The following BBS9 variants were observed in gnomAD, a reference collection of about 807,000 sequenced individuals.
BBS9 encodes the protein protein PTHB1.
A neutral mutation model predicts 117.7 loss-of-function variants in BBS9; 89 were observed. The ratio of observed to expected loss-of-function variants is 0.76; its 90% confidence interval spans 0.64 to 0.90. The LOEUF is 0.90. Ranked by LOEUF, BBS9 falls within the 40% of genes least tolerant of loss-of-function variation. The pLI, the probability that BBS9 is intolerant of heterozygous loss-of-function variation, is 0.00. For missense variants in BBS9, 982 were observed against 1,042.2 expected (o/e 0.94, Z 0.80); for synonymous variants, 379 against 370.9 (o/e 1.02, Z -0.25).
chr7:33,138,844 C>A (rs755694018), intron 1 of BBS9, among the ~76,000 whole-genome samples: 2 of 151,040 alleles, frequency 1.3e-5, no homozygotes, highest in Admixed American at 1.3e-4. Context: ...CTGCCTTGGC[C>A]TCTCAAAGTG....
chr7:33,377,803 T>G (rs527496424), intron 17 of BBS9, among the ~76,000 whole-genome samples: 2 of 152,256 alleles, frequency 1.3e-5, no homozygotes, highest in Non-Finnish European at 2.9e-5. Context: ...TGGGATTGTG[T>G]TCCTGATTCG....
chr7:33,377,166 T>A (rs991891686), intron 17 of BBS9, among the ~76,000 whole-genome samples: 1 of 152,232 alleles, frequency 6.6e-6, no homozygotes, highest in Admixed American at 6.5e-5. Flanking sequence ...TTCCAGGGTT[T>A]TTATAGATCT....
chr7:33,608,364 C>T (rs1864692352), downstream of BBS9, among the ~76,000 whole-genome samples: 1 of 151,968 alleles, frequency 6.6e-6, no homozygotes, highest in Non-Finnish European at 1.5e-5. Context: ...GTACCTATGC[C>T]TTTTGGTAGA....
intron 19 of BBS9, among the ~76,000 whole-genome samples, chr7:33,487,175 T>G (rs1264123177): frequency 6.6e-6 from 1 of 152,210 alleles, no homozygotes; most frequent in African/African-American, 2.4e-5. Context: ...AATAGCATTC[T>G]TTGTTTAAAG....
intron 5 of BBS9, among the ~76,000 whole-genome samples, chr7:33,240,620 A>G (rs1366109559): frequency 6.6e-6 from 1 of 152,152 alleles, no homozygotes; most frequent in Non-Finnish European, 1.5e-5. Context: ...TTTAAAAGAT[A>G]GTTTATTGAG....
intron 11 of BBS9, among the ~76,000 whole-genome samples, chr7:33,342,390 CT>C (rs571499672): frequency 2.0e-5 from 3 of 151,884 alleles, no homozygotes; most frequent in South Asian, 2.1e-4. Context: ...GTGGAAATGA[CT>C]TTTTTTTCCT....
At chr7:33,355,769 G>A (rs1819508474) in intron 15 of BBS9, among the ~76,000 whole-genome samples, 1 of 151,736 alleles carries the variant, frequency 6.6e-6, no homozygotes, top group South Asian at 2.1e-4. Flanking sequence ...CATTTGTTTC[G>A]ATTTCTGAAA....
intron 9 of BBS9, among the ~76,000 whole-genome samples, chr7:33,311,816 C>CA (rs36106860): frequency 0.31 from 43,896 of 143,000 alleles, 6,548 homozygotes; most frequent in East Asian, 0.51. Context: ...GACTCCATCT[C>CA]AAAAAAAAAA....
intron 7 of BBS9, among the ~76,000 whole-genome samples, chr7:33,267,207 A>G (rs1281763456): frequency 6.6e-6 from 1 of 152,092 alleles, no homozygotes. Flanking sequence ...TCTGAGACCT[A>G]CTTAATCTGT....
At chr7:33,561,143 C>G (rs1176381585) in intron 21 of BBS9, among the ~76,000 whole-genome samples, 1 of 152,200 alleles carries the variant, frequency 6.6e-6, no homozygotes, top group Non-Finnish European at 1.5e-5. Flanking sequence ...ATCTACCAAT[C>G]TGTGTGATCT....
At chr7:33,210,665 G>C (rs1257725056) in intron 5 of BBS9, among the ~76,000 whole-genome samples, 1 of 152,130 alleles carries the variant, frequency 6.6e-6, no homozygotes, top group African/African-American at 2.4e-5. Flanking sequence ...AGCATCCTGA[G>C]TGGCTGGGAT....
intron 18 of BBS9, among the ~76,000 whole-genome samples, chr7:33,384,466 T>C (rs1455142817): frequency 6.6e-6 from 1 of 152,184 alleles, no homozygotes; most frequent in African/African-American, 2.4e-5. Flanking sequence ...CTTTTGAAGA[T>C]TGATTTGATG....
chr7:33,507,475 C>T (rs1280357197), intron 20 of BBS9, among the ~76,000 whole-genome samples: 2 of 152,150 alleles, frequency 1.3e-5, no homozygotes, highest in Non-Finnish European at 2.9e-5. Flanking sequence ...AACTCTTGAC[C>T]TCAAGTGATC....
intron 21 of BBS9, among the ~76,000 whole-genome samples, chr7:33,536,829 A>G (rs1851519508): frequency 6.6e-6 from 1 of 151,460 alleles, no homozygotes. Context: ...TTTGTGCTTA[A>G]TTTTTATTAT....
chr7:33,163,628 A>G (rs1179359467), intron 4 of BBS9, among the ~76,000 whole-genome samples: 1 of 152,012 alleles, frequency 6.6e-6, no homozygotes, highest in Non-Finnish European at 1.5e-5. Flanking sequence ...AGAGGTGTTT[A>G]TAGTATTCTC....
chr7:33,562,892 C>A (rs967308208), intron 21 of BBS9, among the ~76,000 whole-genome samples: 5 of 151,682 alleles, frequency 3.3e-5, no homozygotes, highest in African/African-American at 1.2e-4. Flanking sequence ...CCACTGCACT[C>A]CAGGCTGGTG....
rs145677816 is a variant in BBS9, at chr7:33,557,703, G to A, written c.2521+23527G>A. 3.9e-5 allele frequency among the ~76,000 whole-genome samples: 6 copies of A among 152,280 alleles called. No individual in the cohort carries two copies. In the East Asian group the frequency reaches 7.7e-4, roughly 20 times the overall value. On this transcript the variant is annotated intron_variant, in intron 21 of 22. Transcript: ENST00000242067. Reference sequence around the variant, plus strand: ...TGAATTTGTGGCATTTCTAAGGAGCGCATCTAAGTTGATAATGCTGCAGTC... The same window carrying A: ...TGAATTTGTGGCATTTCTAAGGAGCACATCTAAGTTGATAATGCTGCAGTC...
chr7:33,141,070 T>C (rs1292123303), intron 1 of BBS9, among the ~76,000 whole-genome samples: 3 of 152,168 alleles, frequency 2.0e-5, no homozygotes, highest in Non-Finnish European at 2.9e-5. Context: ...ACCATCAAAT[T>C]TGTTTTTTTC....
At chr7:33,593,863 T>G (rs935052339) in intron 21 of BBS9, among the ~76,000 whole-genome samples, 9 of 152,182 alleles carry the variant, frequency 5.9e-5, no homozygotes, top group African/African-American at 2.2e-4. Context: ...TGTGCTTGCT[T>G]TTTTGTAAAT....
Sources: allele counts gnomAD v4.1 joint callset (sites outside exome capture counted in the v4.1 genomes callset), GRCh38; gene constraint gnomAD v4.1.1; transcripts MANE v1.5; gene names NCBI Gene and HGNC (gene_info 2026-07-23, HGNC 2026-07-21).